Variants in MNAT1 observed in about 807,000 individuals in gnomAD.
MNAT1 encodes the protein CDK-activating kinase assembly factor MAT1.
Under a neutral mutation model 42.0 loss-of-function variants are expected in MNAT1, and 43 were observed. The observed-to-expected ratio is 1.02, with a 90% confidence interval of 0.80 to 1.32. The LOEUF is 1.32. Among genes scored for constraint, MNAT1 ranks in the 40% most tolerant of loss-of-function variants. MNAT1 has a pLI of 0.00. For synonymous variants in MNAT1, 118 were observed against 120.0 expected, an observed-to-expected ratio of 0.98 and a Z score of 0.11; for missense variants, 306 against 350.4, an observed-to-expected ratio of 0.87 and a Z score of 1.01.
At chr14:60,826,341 G>C (rs4480717) in intron 6 of MNAT1, among the ~76,000 whole-genome samples, 1,988 of 135,148 alleles carry the variant, frequency 0.015, 24 homozygotes, top group Middle Eastern at 0.039. Flanking sequence ...TTTTGAGATG[G>C]AGTCTCACTC....
intron 3 of MNAT1, among the ~76,000 whole-genome samples, chr14:60,804,696 A>C (rs2032313395): frequency 6.6e-6 from 1 of 152,040 alleles, no homozygotes; most frequent in Non-Finnish European, 1.5e-5. Context: ...TGGTTAATTT[A>C]ATTTTAAAAG....
intron 6 of MNAT1, among the ~76,000 whole-genome samples, chr14:60,856,704 T>G (rs1364523744): frequency 6.7e-6 from 1 of 150,022 alleles, no homozygotes; most frequent in Non-Finnish European, 1.5e-5. Flanking sequence ...TTTTTTGAGA[T>G]GGAGTCTCAC....
intron 7 of MNAT1, among the ~76,000 whole-genome samples, chr14:60,965,672 A>G (rs774348907): frequency 1.4e-4 from 21 of 152,222 alleles, no homozygotes; most frequent in Non-Finnish European, 2.5e-4. Flanking sequence ...ATTCTCATTT[A>G]TGATGTTTGG....
chr14:60,895,289 C>T (rs972755093), intron 7 of MNAT1, among the ~76,000 whole-genome samples: 12 of 152,038 alleles, frequency 7.9e-5, no homozygotes, highest in African/African-American at 2.7e-4. Context: ...ATATTTTTAC[C>T]TAACTAAATT....
intron 7 of MNAT1, among the ~76,000 whole-genome samples, chr14:60,940,521 C>T (rs2036124750): frequency 6.6e-6 from 1 of 152,278 alleles, no homozygotes. Context: ...AGGTTCATGC[C>T]ATTCTTCTGC....
intron 7 of MNAT1, among the ~76,000 whole-genome samples, chr14:60,886,465 T>G (rs1216619488): frequency 6.6e-6 from 1 of 152,038 alleles, no homozygotes; most frequent in Admixed American, 6.6e-5. Context: ...AAATTTGTTC[T>G]TAAGTATCTT....
rs1264545412 is a variant in MNAT1 at position 60,943,030 on chromosome 14, G to T, written c.810-25199G>T. On this transcript the variant is annotated intron_variant, in intron 7 of 7. Coordinates refer to ENST00000261245, the MANE Select transcript of MNAT1 (RefSeq NM_002431.4). ...TGTGTGTGTGTGTGTGTGTGTGTGT[G>T]TGTGTGTGTGTGTGTGTGTGCGCTT... 3.1e-3 allele frequency among the ~76,000 whole-genome samples: 400 copies of T among 131,030 alleles called. 15 individuals carry two copies. Among genetic ancestry groups the T allele is most frequent in the African/African-American group, 0.011 (370 of 34,038 alleles). 86.0% of individuals were successfully genotyped at this position (131,030 alleles called of 152,430 possible). A position where few individuals can be genotyped will look rare whatever the true frequency, so the allele number is the denominator to read the frequency against.
intron 7 of MNAT1, among the ~76,000 whole-genome samples, chr14:60,947,598 G>T (rs146015516): frequency 6.6e-6 from 1 of 152,116 alleles, no homozygotes; most frequent in African/African-American, 2.4e-5. Context: ...CAGGAGAATC[G>T]CTTGAACCCG....
chr14:60,875,163 A>G (rs1191984840), intron 6 of MNAT1, among the ~76,000 whole-genome samples: 1 of 152,128 alleles, frequency 6.6e-6, no homozygotes, highest in Non-Finnish European at 1.5e-5. Context: ...TATTTTATGT[A>G]CCTGAGCTAC....
At chr14:60,894,027 C>T (rs1053607732) in intron 7 of MNAT1, among the ~76,000 whole-genome samples, 3 of 152,134 alleles carry the variant, frequency 2.0e-5, no homozygotes, top group South Asian at 4.1e-4. Context: ...TCCCCAGACT[C>T]GCAACTGAAG....
rs1475689803 is a variant in MNAT1, at chr14:60,740,179, A to G, written c.89+5228A>G. 6.6e-6 allele frequency among the ~76,000 whole-genome samples: 1 copy of G among 152,112 alleles called. No homozygotes were observed. On this transcript the variant is annotated intron_variant, in intron 1 of 7. Transcript: ENST00000261245. This position sits in a 1 kb window ranked among gnomAD's most constrained non-coding sequence, Gnocchi z 4.1. ...TAAAAAAAAATTAATTTCTATCCCA[A>G]CCATTCTTGGCAAAACCTGTCTCTG...
intron 1 of MNAT1, among the ~76,000 whole-genome samples, chr14:60,763,218 T>G (rs960006934): frequency 1.3e-5 from 2 of 152,162 alleles, no homozygotes; most frequent in African/African-American, 4.8e-5. Context: ...ATCACACTTA[T>G]CTTTATCATT....
chr14:60,941,677 G>A (rs1229221601), intron 7 of MNAT1, among the ~76,000 whole-genome samples: 1 of 151,296 alleles, frequency 6.6e-6, no homozygotes, highest in Non-Finnish European at 1.5e-5. Flanking sequence ...ACTCCAGTGT[G>A]AGCAATAGAG....
At chr14:60,903,873 T>TG (rs1331745891) in intron 7 of MNAT1, among the ~76,000 whole-genome samples, 10 of 150,058 alleles carry the variant, frequency 6.7e-5, no homozygotes, top group African/African-American at 2.2e-4. Flanking sequence ...AAGTTTTTTT[T>TG]TTTTTTTTTT....
chr14:60,826,615 G>A (rs1020115424), intron 6 of MNAT1, among the ~76,000 whole-genome samples: 40 of 151,950 alleles, frequency 2.6e-4, no homozygotes, highest in Non-Finnish European at 2.9e-5. Flanking sequence ...CACCGCACCC[G>A]GACAGAAACT....
At chr14:60,767,310 G>A (rs961569436) in intron 1 of MNAT1, among the ~76,000 whole-genome samples, 4 of 152,192 alleles carry the variant, frequency 2.6e-5, no homozygotes, top group African/African-American at 9.7e-5. Flanking sequence ...CTGCAAACCT[G>A]TAGTCTAACA....
chr14:60,845,245 G>A (rs1258813357), intron 6 of MNAT1, among the ~76,000 whole-genome samples: 1 of 151,636 alleles, frequency 6.6e-6, no homozygotes, highest in Admixed American at 6.6e-5. Context: ...AACCATCTGG[G>A]ACTCTAATTT....
At position 60,755,207 on chromosome 14, in the gene MNAT1, G is replaced by C. The variant is rs542348811; in HGVS notation, c.89+20256G>C. 1.5e-4 allele frequency among the ~76,000 whole-genome samples: 23 copies of C among 151,982 alleles called. No homozygotes were observed. In the South Asian group the frequency reaches 4.8e-3, roughly 32 times the overall value. Reference sequence around the variant, plus strand: ...TGCCCAGGCTGGAATGCAGTGAAGTGATCTCAGCTCACTGCAACCTCTGCC... The same window carrying C: ...TGCCCAGGCTGGAATGCAGTGAAGTCATCTCAGCTCACTGCAACCTCTGCC... On this transcript the variant is annotated intron_variant, in intron 1 of 7. Coordinates refer to ENST00000261245, the MANE Select transcript of MNAT1 (RefSeq NM_002431.4).
At chr14:60,747,197 G>A (rs377681442) in intron 1 of MNAT1, among the ~76,000 whole-genome samples, 1 of 151,512 alleles carries the variant, frequency 6.6e-6, no homozygotes, top group Non-Finnish European at 1.5e-5. Flanking sequence ...TGTTAGCCAG[G>A]ATGGTCTTGA....
Sources: allele counts gnomAD v4.1 joint callset (sites outside exome capture counted in the v4.1 genomes callset), GRCh38; gene constraint gnomAD v4.1.1; non-coding constraint Gnocchi (gnomAD v3.1); transcripts MANE v1.5; gene names NCBI Gene and HGNC (gene_info 2026-07-23, HGNC 2026-07-21).